Variants in TBC1D5 observed in about 807,000 individuals in gnomAD.
The protein encoded by TBC1D5 is TBC1 domain family member 5, also known as TBC1 domain family, member 5.
Under a neutral mutation model 100.3 loss-of-function variants are expected in TBC1D5, and 75 were observed. That is an observed-to-expected ratio of 0.75 (90% CI 0.62 to 0.91). The LOEUF (loss-of-function observed/expected upper bound fraction) is 0.91, where lower values mean the gene tolerates loss of function less well. Among genes scored for constraint, TBC1D5 ranks in the 40% least tolerant of loss-of-function variants. The pLI is 0.00. For synonymous variants in TBC1D5, 323 were observed against 325.6 expected (o/e 0.99, Z 0.09); for missense variants, 910 against 942.4 (o/e 0.97, Z 0.45).
At chr3:17,543,730 C>G (rs904537285) in intron 2 of TBC1D5, among the ~76,000 whole-genome samples, 1 of 152,152 alleles carries the variant, frequency 6.6e-6, no homozygotes, top group South Asian at 2.1e-4. Flanking sequence ...AGGTATTATG[C>G]CTATATTCAG....
rs34977117 is a variant in TBC1D5 at position 17,706,422 on chromosome 3, T to TACACAC, written c.-101+32915_-101+32920dup. On this transcript the variant is annotated intron_variant, in intron 1 of 21. Coordinates refer to ENST00000253692, the Ensembl canonical transcript of TBC1D5. ...ATTGTCTCCTAGAATCAACTTTACTTACACACACACACACACACGCGCGCG... is the reference window on the plus strand; with the variant it reads ...ATTGTCTCCTAGAATCAACTTTACTTACACACACACACACACACACACACGCGCGCG... Among the ~76,000 whole-genome samples the TACACAC allele has an allele frequency of 2.2e-3, 336 of 151,414 alleles. 2 individuals are homozygous for TACACAC. The highest frequency in any genetic ancestry group is 7.7e-3 in the African/African-American group (320 of 41,302).
At chr3:17,426,054 T>C (rs890154770) in intron 4 of TBC1D5, among the ~76,000 whole-genome samples, 3 of 152,064 alleles carry the variant, frequency 2.0e-5, no homozygotes, top group African/African-American at 7.2e-5. Flanking sequence ...GCCTGCGTTG[T>C]CGAATTGTGA....
At chr3:17,465,304 G>T in intron 3 of TBC1D5, 1 of 171,190 alleles carries the variant, frequency 5.8e-6, no homozygotes. Flanking sequence ...GAGGGAGAGG[G>T]GAACTCCAGA....
intron 13 of TBC1D5, among the ~76,000 whole-genome samples, chr3:17,332,736 A>G (rs1215286713): frequency 2.0e-5 from 3 of 152,168 alleles, no homozygotes; most frequent in African/African-American, 4.8e-5. Flanking sequence ...AGAGGAAGAA[A>G]TCAATGGTTT....
chr3:17,166,793 C>T (rs758432731), exon 21 of TBC1D5: 14 of 1,611,946 alleles, frequency 8.7e-6, no homozygotes, highest in East Asian at 6.7e-5. Context: ...GACATTTGAA[C>T]GCTCTGGCCT....
At chr3:17,213,746 A>G (rs2073267345) in intron 18 of TBC1D5, among the ~76,000 whole-genome samples, 2 of 151,198 alleles carry the variant, frequency 1.3e-5, no homozygotes, top group Non-Finnish European at 3.0e-5. Context: ...AAAAAAAAAA[A>G]AAAAAAAAAA....
rs2076218490 is a variant in TBC1D5 at position 17,727,446 on chromosome 3, T to C, written c.-101+11897A>G. Among the ~76,000 whole-genome samples, 3 of 151,954 alleles carry C rather than the reference T, an allele frequency of 2.0e-5. No homozygotes were observed. The South Asian group carries it at 6.2e-4, about 31-fold the overall frequency. The stretch of plus-strand genomic sequence containing the variant: ...CTTAGCCAGTGTGGTGAAAAGATAA[T>C]AAATAAAGGAGAACTGAGTTCAATC... On this transcript the variant is annotated intron_variant, in intron 1 of 21. Transcript: ENST00000253692.
At chr3:17,501,344 A>AT (rs1468435516) in intron 3 of TBC1D5, among the ~76,000 whole-genome samples, 2 of 149,692 alleles carry the variant, frequency 1.3e-5, no homozygotes, top group Admixed American at 1.3e-4. Context: ...TATCAAACAC[A>AT]TAAGAATTAT....
At chr3:17,301,793 TAGGTGGAGCCAGG>T (rs2082870710) in intron 14 of TBC1D5, among the ~76,000 whole-genome samples, 1 of 152,080 alleles carries the variant, frequency 6.6e-6, no homozygotes, top group Admixed American at 6.6e-5. Context: ...AAGATTTAGG[TAGGTGGAGCCAGG>T]GGAAGCAAGG....
chr3:17,466,022 C>G (rs573089129), intron 3 of TBC1D5, among the ~76,000 whole-genome samples: 1 of 152,318 alleles, frequency 6.6e-6, no homozygotes, highest in South Asian at 2.1e-4. Context: ...ATATGGACAA[C>G]TGGTGGCACT....
At chr3:17,583,664 C>G (rs1177454419) in intron 2 of TBC1D5, among the ~76,000 whole-genome samples, 1 of 152,160 alleles carries the variant, frequency 6.6e-6, no homozygotes, top group Non-Finnish European at 1.5e-5. Context: ...GAGACGGAGG[C>G]TGCAGTGAGC....
At chr3:17,661,315 G>A (rs2066623028) in intron 1 of TBC1D5, among the ~76,000 whole-genome samples, 1 of 152,126 alleles carries the variant, frequency 6.6e-6, no homozygotes, top group Non-Finnish European at 1.5e-5. Flanking sequence ...AATCTTCGAA[G>A]TATATACAGT....
intron 2 of TBC1D5, among the ~76,000 whole-genome samples, chr3:17,542,109 GAA>G (rs928806150): frequency 6.6e-6 from 1 of 152,056 alleles, no homozygotes; most frequent in Admixed American, 6.5e-5. Flanking sequence ...GCAACAAGGT[GAA>G]ACCCCATCTC....
chr3:17,628,514 CAAG>C (rs1265333289), intron 1 of TBC1D5, among the ~76,000 whole-genome samples: 28 of 152,080 alleles, frequency 1.8e-4, no homozygotes, highest in Non-Finnish European at 1.9e-4. Context: ...ACATAAACTA[CAAG>C]AAGAGAGACC....
chr3:17,500,594 C>T (rs555892365), intron 3 of TBC1D5, among the ~76,000 whole-genome samples: 1 of 149,432 alleles, frequency 6.7e-6, no homozygotes, highest in South Asian at 2.1e-4. Context: ...TCATGTATTT[C>T]CTCCTTTTAT....
intron 2 of TBC1D5, among the ~76,000 whole-genome samples, chr3:17,550,980 T>C (rs1017113086): frequency 6.6e-6 from 1 of 151,414 alleles, no homozygotes; most frequent in African/African-American, 2.4e-5. Context: ...TTGAAAAAAA[T>C]ATTACAAAAC....
At chr3:17,599,422 G>A (rs563599105) in intron 2 of TBC1D5, among the ~76,000 whole-genome samples, 2 of 152,160 alleles carry the variant, frequency 1.3e-5, no homozygotes, top group East Asian at 1.9e-4. Flanking sequence ...GGCTGGGGGC[G>A]GTTGAACTCC....
At chr3:17,550,107 G>A in intron 2 of TBC1D5, among the ~76,000 whole-genome samples, 1 of 152,026 alleles carries the variant, frequency 6.6e-6, no homozygotes, top group East Asian at 1.9e-4. Context: ...GAAGGATGAT[G>A]ACCTCATGAG....
At chr3:17,664,346 A>G (rs1221403219) in intron 1 of TBC1D5, among the ~76,000 whole-genome samples, 2 of 152,236 alleles carry the variant, frequency 1.3e-5, no homozygotes, top group Non-Finnish European at 2.9e-5. Flanking sequence ...CTGGGATTAC[A>G]GGTGTGAGCC....
Sources: gnomAD v4.1 joint callset for allele counts (sites outside exome capture counted in the v4.1 genomes callset) on GRCh38, gnomAD v4.1.1 for gene constraint, MANE v1.5 for transcripts, NCBI Gene and HGNC (gene_info 2026-07-23, HGNC 2026-07-21) for gene names.